The following ALK variants were observed in gnomAD, a reference collection of about 807,000 sequenced individuals.
The protein encoded by ALK is ALK receptor tyrosine kinase.
In ALK, 74 loss-of-function variants were observed where a neutral mutation model predicts 163.1. The observed-to-expected ratio is 0.45, with a 90% CI of 0.38 to 0.55. ALK has a LOEUF of 0.55. Among genes scored for constraint, ALK ranks in the 20% least tolerant of loss-of-function variants. The pLI is 0.00. For missense variants in ALK, 2,063 were observed against 2,105.3 expected (o/e 0.98, Z 0.39); for synonymous variants, 960 against 843.2 (o/e 1.14, Z -2.40).
At position 29,241,674 on chromosome 2, in the gene ALK, A is replaced by T. The variant is rs559305008; in HGVS notation, c.2205-1844T>A. 2.0e-5 allele frequency among the ~76,000 whole-genome samples: 3 copies of T among 152,082 alleles called. No individual in the cohort carries two copies. The East Asian group carries it at 5.8e-4, about 29-fold the overall frequency. The stretch of plus-strand genomic sequence containing the variant: ...AAGTATGTCTGGCTGCAGCAGGTGG[A>T]TGGAGGGGGAAGCTGAGGGCTGTAG... On this transcript the variant is annotated intron_variant, in intron 12 of 28. Coordinates refer to ENST00000389048, the MANE Select transcript of ALK (RefSeq NM_004304.5).
chr2:29,580,221 A>G (rs1392464852), intron 3 of ALK, among the ~76,000 whole-genome samples: 1 of 152,102 alleles, frequency 6.6e-6, no homozygotes, highest in Non-Finnish European at 1.5e-5. Flanking sequence ...AGTCAAACCC[A>G]TTTATCTCAC....
intron 9 of ALK, among the ~76,000 whole-genome samples, chr2:29,290,896 G>GAGGC (rs924513971): frequency 5.9e-5 from 9 of 152,138 alleles, no homozygotes; most frequent in Non-Finnish European, 1.2e-4. Context: ...CCTGAGAGGA[G>GAGGC]AGGCAGGCAG....
intron 1 of ALK, among the ~76,000 whole-genome samples, chr2:29,746,502 A>C (rs1394643453): frequency 6.6e-6 from 1 of 152,226 alleles, no homozygotes; most frequent in African/African-American, 2.4e-5. Context: ...TGAACTCTTT[A>C]AATAAGAGGG....
chr2:29,695,089 T>G, intron 2 of ALK, 75 bp from the exon 3 acceptor site: 3 of 1,560,442 alleles, frequency 1.9e-6, no homozygotes, highest in South Asian at 2.2e-5. Flanking sequence ...CACTCCACAC[T>G]AGGAGGTTGG....
chr2:29,295,797 G>A (rs1329020598), intron 9 of ALK, among the ~76,000 whole-genome samples: 1 of 152,186 alleles, frequency 6.6e-6, no homozygotes, highest in Admixed American at 6.5e-5. Flanking sequence ...TAATTTGATT[G>A]TGTTTTAGGA....
At chr2:29,709,952 T>C (rs1679023838) in intron 2 of ALK, among the ~76,000 whole-genome samples, 1 of 152,202 alleles carries the variant, frequency 6.6e-6, no homozygotes, top group African/African-American at 2.4e-5. Flanking sequence ...GCTTTGCTGT[T>C]GATATGATTT....
intron 1 of ALK, among the ~76,000 whole-genome samples, chr2:29,822,282 C>CCATT (rs1665070160): frequency 6.6e-6 from 1 of 152,142 alleles, no homozygotes; most frequent in African/African-American, 2.4e-5. Context: ...TGTTCTTAGA[C>CCATT]CATTACCTAG....
chr2:29,723,203 G>A (rs970736121), intron 1 of ALK, among the ~76,000 whole-genome samples: 1 of 152,110 alleles, frequency 6.6e-6, no homozygotes, highest in African/African-American at 2.4e-5. Context: ...TTCCCTCATT[G>A]CTGGAGCTCA....
At chr2:29,302,711 G>T (rs1361758821) in intron 8 of ALK, among the ~76,000 whole-genome samples, 1 of 152,160 alleles carries the variant, frequency 6.6e-6, no homozygotes, top group Non-Finnish European at 1.5e-5. Flanking sequence ...TGAATGGCTA[G>T]CAAATGTGTA....
chr2:29,238,249 T>C (rs1305778946), intron 13 of ALK, among the ~76,000 whole-genome samples: 1 of 152,136 alleles, frequency 6.6e-6, no homozygotes, highest in Non-Finnish European at 1.5e-5. Flanking sequence ...CAGGCTGGAG[T>C]GCAGTGGTGC....
chr2:29,231,540 C>T (rs952339677), intron 15 of ALK, among the ~76,000 whole-genome samples: 5 of 152,094 alleles, frequency 3.3e-5, no homozygotes, highest in Admixed American at 1.3e-4. Flanking sequence ...TGCTGGGCCT[C>T]GGTGCTGCAA....
At chr2:29,443,506 G>A (rs899550203) in intron 4 of ALK, among the ~76,000 whole-genome samples, 1 of 152,122 alleles carries the variant, frequency 6.6e-6, no homozygotes, top group East Asian at 1.9e-4. Context: ...CAGTTTGGGG[G>A]AAGGGTTTGT....
intron 11 of ALK, among the ~76,000 whole-genome samples, chr2:29,256,661 G>A (rs2148202155): frequency 6.6e-6 from 1 of 151,994 alleles, no homozygotes; most frequent in Non-Finnish European, 1.5e-5. Context: ...TTCTAGCCAG[G>A]ACAGACCATA....
intron 3 of ALK, among the ~76,000 whole-genome samples, chr2:29,559,713 G>A (rs2148181730): frequency 1.3e-5 from 2 of 152,020 alleles, no homozygotes; most frequent in South Asian, 4.2e-4. Flanking sequence ...GAGTAATGAG[G>A]GTGGAGCTGC....
intron 5 of ALK, among the ~76,000 whole-genome samples, chr2:29,350,823 G>A (rs1389535593): frequency 6.6e-6 from 1 of 152,188 alleles, no homozygotes; most frequent in Non-Finnish European, 1.5e-5. Flanking sequence ...GTCCAAGGTT[G>A]CAGAGCCAAA....
chr2:29,667,630 G>T (rs757797836), intron 3 of ALK, among the ~76,000 whole-genome samples: 2 of 151,490 alleles, frequency 1.3e-5, no homozygotes, highest in Non-Finnish European at 2.9e-5. Flanking sequence ...TGCATCCCTG[G>T]GATAAATCCC....
chr2:29,639,834 C>T (rs114124518), intron 3 of ALK, among the ~76,000 whole-genome samples: 4,129 of 152,220 alleles, frequency 0.027, 82 homozygotes, highest in Middle Eastern at 0.061. Context: ...GGAGTGCTGT[C>T]GTGAACAGCA....
intron 1 of ALK, among the ~76,000 whole-genome samples, chr2:29,811,409 C>A (rs1431321213): frequency 6.6e-6 from 1 of 152,130 alleles, no homozygotes; most frequent in Non-Finnish European, 1.5e-5. Context: ...TACATTGGGT[C>A]ATCATAATGT....
chr2:29,269,405 G>A (rs886938810), intron 11 of ALK, among the ~76,000 whole-genome samples: 74 of 152,280 alleles, frequency 4.9e-4, no homozygotes, highest in African/African-American at 1.8e-3. Context: ...CAGCGTGAAA[G>A]CCTCTTCCAC....
Sources: gnomAD v4.1 joint callset for allele counts (sites outside exome capture counted in the v4.1 genomes callset) on GRCh38, gnomAD v4.1.1 for gene constraint, MANE v1.5 for transcripts, NCBI Gene and HGNC (gene_info 2026-07-23, HGNC 2026-07-21) for gene names.